KCNQ1OT1: variants seen among roughly 807,000 people sequenced by gnomAD.
KCNQ1OT1 encodes the protein KCNQ1 antisense RNA 2 (non-protein coding).
At chr11:2,629,124 G>GA (rs1340780656) in exon 1 of KCNQ1OT1, 12 of 397,778 alleles carry the variant, frequency 3.0e-5, no homozygotes, top group Admixed American at 4.4e-5. Context: ...CTATATCTGT[G>GA]AAAAAAAGTC....
chr11:2,690,013 G>A lies in KCNQ1OT1; in HGVS notation n.9982C>T, dbSNP rs1850562610. 2.5e-6 allele frequency: 1 copy of A among 398,874 alleles called. No individual in the cohort carries two copies. Among genetic ancestry groups the A allele is most frequent in the East Asian group, 3.6e-5 (1 of 28,082 alleles). The allele number at this position is 398,874 out of a possible 1,614,324, so 24.7% of individuals were successfully genotyped here. On this transcript the variant is annotated non_coding_transcript_exon_variant, in exon 1 of 1. Transcript: ENST00000597346. The surrounding 1 kb of genome is among the most constrained non-coding windows in gnomAD (Gnocchi z 5.1). ...CCCAAGCAGAGAACTGTTGAGGAAGGTGAGCCTTCCGAGGGCCAGCCCTGC... is the reference window on the plus strand; with the variant it reads ...CCCAAGCAGAGAACTGTTGAGGAAGATGAGCCTTCCGAGGGCCAGCCCTGC...
chr11:2,671,921 C>T lies in KCNQ1OT1; in HGVS notation n.28074G>A, dbSNP rs1177691875. 7.5e-6 allele frequency: 3 copies of T among 398,732 alleles called. No individual in the cohort carries two copies. Among genetic ancestry groups the T allele is most frequent in the Non-Finnish European group, 8.8e-6 (2 of 226,122 alleles). 24.7% of individuals were successfully genotyped at this position (398,732 alleles called of 1,614,324 possible). ...CCAGCCTGTGGGCCCCGCTATGCTTCCTCAGGCAGCTAGTCTCTGTATCTG... is the reference window on the plus strand; with the variant it reads ...CCAGCCTGTGGGCCCCGCTATGCTTTCTCAGGCAGCTAGTCTCTGTATCTG... On this transcript the variant is annotated non_coding_transcript_exon_variant, in exon 1 of 1. Transcript: ENST00000597346. This position sits in a 1 kb window ranked among gnomAD's most constrained non-coding sequence, Gnocchi z 4.7.
Position 2,663,862 on chromosome 11 carries a change from T to C in KCNQ1OT1, n.36133A>G, listed in dbSNP as rs74046839. Reference sequence around the variant, plus strand: ...TGCCAAGCTCCCTGGAGCCAGAGGTTACCCACCTGCCCAAGGGTGACCCCA... The same window carrying C: ...TGCCAAGCTCCCTGGAGCCAGAGGTCACCCACCTGCCCAAGGGTGACCCCA... On this transcript the variant is annotated non_coding_transcript_exon_variant, in exon 1 of 1. Transcript: ENST00000597346. The surrounding 1 kb of genome is among the most constrained non-coding windows in gnomAD (Gnocchi z 5.2). The C allele has an allele frequency of 4.6e-3, 1,818 of 398,640 alleles. 25 individuals carry two copies. Among genetic ancestry groups the C allele is most frequent in the African/African-American group, 0.034 (1,659 of 48,738 alleles). The allele number at this position is 398,640 out of a possible 1,614,324, so 24.7% of individuals were successfully genotyped here. A position where few individuals can be genotyped will look rare whatever the true frequency, so the allele number is the denominator to read the frequency against.
At position 2,645,369 on chromosome 11, in the gene KCNQ1OT1, G is replaced by A. The variant is rs1435540504; in HGVS notation, n.54626C>T. The A allele has an allele frequency of 1.8e-5, 7 of 398,624 alleles. No individual in the cohort carries two copies. The Admixed American group carries it at 3.1e-4, about 18-fold the overall frequency. 24.7% of individuals were successfully genotyped at this position (398,624 alleles called of 1,614,324 possible). On this transcript the variant is annotated non_coding_transcript_exon_variant, in exon 1 of 1. Transcript: ENST00000597346. The surrounding 1 kb of genome is among the most constrained non-coding windows in gnomAD (Gnocchi z 5.8). ...CAGAGATGGTATGCGCTGGCACTGG[G>A]AGAAAAGAGGGTGGGACCAGGCCAG...
Position 2,672,735 on chromosome 11 carries a change from C to G in KCNQ1OT1, n.27260G>C, listed in dbSNP as rs1389051147. The G allele has an allele frequency of 4.5e-5, 18 of 398,758 alleles. No homozygotes were observed. In the East Asian group the frequency reaches 6.4e-4, roughly 14 times the overall value. The allele number at this position is 398,758 out of a possible 1,614,324, so 24.7% of individuals were successfully genotyped here. A position where few individuals can be genotyped will look rare whatever the true frequency, so the allele number is the denominator to read the frequency against. ...GATGTCAGGTTCCAGACTCCAAGTTCTATGCTTTTTTGCTGGTCCAGCATG... is the reference window on the plus strand; with the variant it reads ...GATGTCAGGTTCCAGACTCCAAGTTGTATGCTTTTTTGCTGGTCCAGCATG... On this transcript the variant is annotated non_coding_transcript_exon_variant, in exon 1 of 1. Transcript: ENST00000597346.
chr11:2,641,908 T>G, exon 1 of KCNQ1OT1: 3 of 398,472 alleles, frequency 7.5e-6, no homozygotes, highest in Non-Finnish European at 8.9e-6. Flanking sequence ...CCAGTGTATG[T>G]TCTTGGCATC....
In KCNQ1OT1 at chr11:2,690,248, C is replaced by G. The variant is rs747583559; in HGVS notation, n.9747G>C. 1.5e-5 allele frequency: 6 copies of G among 398,804 alleles called. No homozygotes were observed. Among genetic ancestry groups the G allele is most frequent in the Middle Eastern group, 6.3e-4 (1 of 1,588 alleles). The allele number at this position is 398,804 out of a possible 1,614,324, so 24.7% of individuals were successfully genotyped here. A position where few individuals can be genotyped will look rare whatever the true frequency, so the allele number is the denominator to read the frequency against. ...ACCTCAAGCAAGTCATTCCATGTGGCTGAGCTGCTCCTTGCTGCATCTGCA... is the reference window on the plus strand; with the variant it reads ...ACCTCAAGCAAGTCATTCCATGTGGGTGAGCTGCTCCTTGCTGCATCTGCA... On this transcript the variant is annotated non_coding_transcript_exon_variant, in exon 1 of 1. Transcript: ENST00000597346. This position sits in a 1 kb window ranked among gnomAD's most constrained non-coding sequence, Gnocchi z 5.1.
chr11:2,690,041 C>T lies in KCNQ1OT1; in HGVS notation n.9954G>A, dbSNP rs1403604592. The T allele has an allele frequency of 7.5e-6, 3 of 398,994 alleles. No individual in the cohort carries two copies. The highest frequency in any genetic ancestry group is 1.3e-5 in the Non-Finnish European group (3 of 226,342). The allele number at this position is 398,994 out of a possible 1,614,324, so 24.7% of individuals were successfully genotyped here. A position where few individuals can be genotyped will look rare whatever the true frequency, so the allele number is the denominator to read the frequency against. On this transcript the variant is annotated non_coding_transcript_exon_variant, in exon 1 of 1. Coordinates refer to ENST00000597346, the Ensembl canonical transcript of KCNQ1OT1. The surrounding 1 kb of genome is among the most constrained non-coding windows in gnomAD (Gnocchi z 5.1). ...AGCCTTCCGAGGGCCAGCCCTGCCT[C>T]TCCTCCCCTCTCCTAGCCTGCTTCT...
In KCNQ1OT1 at chr11:2,691,888, G is replaced by T. The variant is rs1850594492; in HGVS notation, n.8107C>A. The T allele has an allele frequency of 2.5e-6, 1 of 398,628 alleles. No individual in the cohort carries two copies. Among genetic ancestry groups the T allele is most frequent in the African/African-American group, 2.1e-5 (1 of 48,616 alleles). 24.7% of individuals were successfully genotyped at this position (398,628 alleles called of 1,614,324 possible). A position where few individuals can be genotyped will look rare whatever the true frequency, so the allele number is the denominator to read the frequency against. On this transcript the variant is annotated non_coding_transcript_exon_variant, in exon 1 of 1. Coordinates refer to ENST00000597346, the Ensembl canonical transcript of KCNQ1OT1. The surrounding 1 kb of genome is among the most constrained non-coding windows in gnomAD (Gnocchi z 6.4). ...TCCCTCCAGTTCTCCTGGCTTTCTT[G>T]CCATCTTTCTGGCTCTATCCTCAGT...
chr11:2,609,135 C>G (rs996152322), exon 1 of KCNQ1OT1: 7 of 397,940 alleles, frequency 1.8e-5, no homozygotes, highest in Non-Finnish European at 2.7e-5. Flanking sequence ...TGATTTGAAG[C>G]CTTATTTTTT....
At chr11:2,697,804 T>C (rs1297518218) in exon 1 of KCNQ1OT1, 1 of 398,532 alleles carries the variant, frequency 2.5e-6, no homozygotes, top group Non-Finnish European at 4.4e-6. Flanking sequence ...TCTACATTCA[T>C]AAGGGAAATT....
Position 2,627,529 on chromosome 11 carries a change from T to C in KCNQ1OT1, n.72466A>G, listed in dbSNP as rs567899621. 6.5e-5 allele frequency: 26 copies of C among 398,552 alleles called. No individual in the cohort carries two copies. In the South Asian group the frequency reaches 1.8e-3, roughly 27 times the overall value. The allele number at this position is 398,552 out of a possible 1,614,324, so 24.7% of individuals were successfully genotyped here. A position where few individuals can be genotyped will look rare whatever the true frequency, so the allele number is the denominator to read the frequency against. On this transcript the variant is annotated non_coding_transcript_exon_variant, in exon 1 of 1. Transcript: ENST00000597346. This position sits in a 1 kb window ranked among gnomAD's most constrained non-coding sequence, Gnocchi z 4.9. Reference sequence around the variant, plus strand: ...TGAGTTCAAGCTTTTTAGAATTCCATATGTAACTGGGATAGTGCAGTATTT... The same window carrying C: ...TGAGTTCAAGCTTTTTAGAATTCCACATGTAACTGGGATAGTGCAGTATTT...
At position 2,670,253 on chromosome 11, in the gene KCNQ1OT1, G is replaced by A; in HGVS notation, n.29742C>T. 2.5e-6 allele frequency: 1 copy of A among 398,586 alleles called. No homozygotes were observed. Among genetic ancestry groups the A allele is most frequent in the Non-Finnish European group, 4.4e-6 (1 of 226,080 alleles). The allele number at this position is 398,586 out of a possible 1,614,324, so 24.7% of individuals were successfully genotyped here. ...TTTGACCCTGCACATGACGGGCGAGGGAAGAGGACCATGGTAGCTTGTCTC... is the reference window on the plus strand; with the variant it reads ...TTTGACCCTGCACATGACGGGCGAGAGAAGAGGACCATGGTAGCTTGTCTC... On this transcript the variant is annotated non_coding_transcript_exon_variant, in exon 1 of 1. Transcript: ENST00000597346. The surrounding 1 kb of genome is among the most constrained non-coding windows in gnomAD (Gnocchi z 4.9).
In KCNQ1OT1 at chr11:2,645,902, T is replaced by A; in HGVS notation, n.54093A>T. The A allele has an allele frequency of 2.5e-6, 1 of 398,612 alleles. No individual in the cohort carries two copies. The highest frequency in any genetic ancestry group is 4.4e-6 in the Non-Finnish European group (1 of 226,060). 24.7% of individuals were successfully genotyped at this position (398,612 alleles called of 1,614,324 possible). A position where few individuals can be genotyped will look rare whatever the true frequency, so the allele number is the denominator to read the frequency against. On this transcript the variant is annotated non_coding_transcript_exon_variant, in exon 1 of 1. Coordinates refer to ENST00000597346, the Ensembl canonical transcript of KCNQ1OT1. This position sits in a 1 kb window ranked among gnomAD's most constrained non-coding sequence, Gnocchi z 5.8. ...ATCTCCCTCTCTGGGAGCTGTTCAT[T>A]GCCATTTCACAGTCTGTAGGTAGCC...
exon 1 of KCNQ1OT1, chr11:2,692,837 C>A (rs758382433): frequency 2.5e-5 from 10 of 398,554 alleles, no homozygotes; most frequent in Non-Finnish European, 4.0e-5. Flanking sequence ...CATTCCCCTG[C>A]CTGTTAGACA....
Position 2,657,988 on chromosome 11 carries a change from C to T in KCNQ1OT1, n.42007G>A. On this transcript the variant is annotated non_coding_transcript_exon_variant, in exon 1 of 1. Transcript: ENST00000597346. The surrounding 1 kb of genome is among the most constrained non-coding windows in gnomAD (Gnocchi z 4.8). ...AAGTGGTGTCGGCCAGGCTCCTCCA[C>T]TGTAAGTGAATAGCTGTTTTTCCCT... 2.5e-6 allele frequency: 1 copy of T among 398,594 alleles called. No homozygotes were observed. The highest frequency in any genetic ancestry group is 4.4e-6 in the Non-Finnish European group (1 of 226,060). 24.7% of individuals were successfully genotyped at this position (398,594 alleles called of 1,614,324 possible). A position where few individuals can be genotyped will look rare whatever the true frequency, so the allele number is the denominator to read the frequency against.
chr11:2,618,371 A>T (rs750486287), exon 1 of KCNQ1OT1: 30 of 398,456 alleles, frequency 7.5e-5, no homozygotes, highest in Non-Finnish European at 1.2e-4. Flanking sequence ...GGCCTCATTA[A>T]AGCCATCCTG....
At chr11:2,614,219 A>G (rs1026425102) in exon 1 of KCNQ1OT1, 7 of 398,430 alleles carry the variant, frequency 1.8e-5, no homozygotes, top group Non-Finnish European at 2.2e-5. Context: ...AGTCATTTGC[A>G]AGAGCCTCCA....
exon 1 of KCNQ1OT1, chr11:2,699,121 C>A: frequency 2.5e-6 from 1 of 398,652 alleles, no homozygotes; most frequent in Non-Finnish European, 4.4e-6. Context: ...AACCACGATG[C>A]GGATTCCAGA....
Sources: allele counts gnomAD v4.1 joint callset, GRCh38; gene constraint gnomAD v4.1.1; non-coding constraint Gnocchi (gnomAD v3.1); transcripts MANE v1.5; gene names NCBI Gene and HGNC (gene_info 2026-07-23, HGNC 2026-07-21).